Variants in ATOH8 observed in about 807,000 individuals in gnomAD.
ATOH8 encodes the protein atonal bHLH transcription factor 8, also known as transcription factor ATOH8.
Under a neutral mutation model 21.2 loss-of-function variants are expected in ATOH8, and 9 were observed. The ratio of observed to expected loss-of-function variants is 0.42; its 90% confidence interval spans 0.26 to 0.74. The LOEUF (loss-of-function observed/expected upper bound fraction) is 0.74. Among genes scored for constraint, ATOH8 ranks in the 30% least tolerant of loss-of-function variants. The pLI, the probability that ATOH8 is intolerant of heterozygous loss-of-function variation, is 0.24. For missense variants in ATOH8, 524 were observed against 470.9 expected (o/e 1.11, Z -1.04); for synonymous variants, 253 against 224.0 (o/e 1.13, Z -1.16).
chr2:85,759,110 C>T (rs1419284891), intron 1 of ATOH8, among the ~76,000 whole-genome samples: 2 of 152,204 alleles, frequency 1.3e-5, no homozygotes, highest in Non-Finnish European at 2.9e-5. Flanking sequence ...CCCCTGCTGC[C>T]CCTGGAGCTT....
Position 85,774,201 on chromosome 2 carries a change from C to G in ATOH8, c.960+10019C>G, listed in dbSNP as rs1031025625. 3.0e-6 allele frequency: 3 copies of G among 985,370 alleles called. No homozygotes were observed. The African/African-American group carries it at 5.2e-5, about 17-fold the overall frequency. The allele number at this position is 985,370 out of a possible 1,614,324, so 61.0% of individuals were successfully genotyped here. A position where few individuals can be genotyped will look rare whatever the true frequency, so the allele number is the denominator to read the frequency against. The stretch of plus-strand genomic sequence containing the variant: ...GGAGGACCCGAGGAAGGAAGAGGAA[C>G]CACTGTCCCCAGCCCCTGGTATGGC... On this transcript the variant is annotated intron_variant, in intron 2 of 2. Coordinates refer to ENST00000306279, the MANE Select transcript of ATOH8 (RefSeq NM_032827.7).
At chr2:85,768,056 G>T (rs1292406288) in intron 2 of ATOH8, among the ~76,000 whole-genome samples, 2 of 152,208 alleles carry the variant, frequency 1.3e-5, no homozygotes, top group African/African-American at 4.8e-5. Context: ...TGGGACAGGA[G>T]CGTGGGCCCA....
intron 1 of ATOH8, 84 bp downstream of exon 1, chr2:85,755,041 G>A (rs1438276455): frequency 5.5e-6 from 8 of 1,462,534 alleles, no homozygotes; most frequent in African/African-American, 1.4e-5. Flanking sequence ...CGGGATAGAG[G>A]TGTGTTTAAG....
At chr2:85,773,085 T>C in intron 2 of ATOH8, 1 of 354,178 alleles carries the variant, frequency 2.8e-6, no homozygotes, top group Non-Finnish European at 5.5e-6. Flanking sequence ...CATTCCGCCG[T>C]CACCCTGAAT....
At chr2:85,778,864 A>G (rs1680407019) in intron 2 of ATOH8, among the ~76,000 whole-genome samples, 1 of 152,152 alleles carries the variant, frequency 6.6e-6, no homozygotes, top group Non-Finnish European at 1.5e-5. Context: ...ATCATAAGTC[A>G]GGCCCACAGG....
At chr2:85,784,768 G>A (rs1486000341) in intron 2 of ATOH8, among the ~76,000 whole-genome samples, 2 of 152,176 alleles carry the variant, frequency 1.3e-5, no homozygotes, top group Non-Finnish European at 2.9e-5. Context: ...TACAAGTGAC[G>A]GAATGAAGGC....
intron 2 of ATOH8, among the ~76,000 whole-genome samples, chr2:85,767,173 C>A (rs531653824): frequency 5.3e-5 from 8 of 152,290 alleles, no homozygotes; most frequent in Admixed American, 5.2e-4. Context: ...TCCTGAGGCC[C>A]CACCTCCATT....
intron 1 of ATOH8, among the ~76,000 whole-genome samples, chr2:85,758,522 A>T (rs1679779584): frequency 6.6e-6 from 1 of 152,226 alleles, no homozygotes; most frequent in Non-Finnish European, 1.5e-5. Context: ...CAGACTCCTA[A>T]CAGCTCTGCT....
rs1232616012 is a variant in ATOH8, at chr2:85,766,753, C to T, written c.960+2571C>T. Among the ~76,000 whole-genome samples, 1 of 152,200 alleles carries T rather than the reference C, an allele frequency of 6.6e-6. No individual in the cohort carries two copies. The highest frequency in any genetic ancestry group is 2.4e-5 in the African/African-American group (1 of 41,462). The stretch of plus-strand genomic sequence containing the variant: ...GCCCTTCCAGGCAGGCCCCTGTGTC[C>T]CGCTTCTGGGCACCTATGCTTTTGC... On this transcript the variant is annotated intron_variant, in intron 2 of 2. Coordinates refer to ENST00000306279, the MANE Select transcript of ATOH8 (RefSeq NM_032827.7). This position sits in a 1 kb window ranked among gnomAD's most constrained non-coding sequence, Gnocchi z 4.0.
chr2:85,778,931 C>G (rs1680408851), intron 2 of ATOH8, among the ~76,000 whole-genome samples: 1 of 152,178 alleles, frequency 6.6e-6, no homozygotes, highest in South Asian at 2.1e-4. Flanking sequence ...GCCCATTGGT[C>G]TGCTCTCCAC....
intron 1 of ATOH8, among the ~76,000 whole-genome samples, chr2:85,758,803 G>A (rs1046290616): frequency 1.3e-5 from 2 of 152,262 alleles, no homozygotes; most frequent in African/African-American, 4.8e-5. Flanking sequence ...TGAAGGCCAT[G>A]TGTGCACAGC....
rs1348833533 is a variant in ATOH8 at position 85,754,064 on chromosome 2, C to T, written c.-126C>T. 1.4e-5 allele frequency: 16 copies of T among 1,125,710 alleles called. No homozygotes were observed. Among genetic ancestry groups the T allele is most frequent in the Admixed American group, 5.6e-5 (1 of 18,010 alleles). The allele number at this position is 1,125,710 out of a possible 1,614,324, so 69.7% of individuals were successfully genotyped here. On this transcript the variant is annotated 5_prime_UTR_variant, in exon 1 of 3. Transcript: ENST00000306279. ...AAGCCGGCGGCGCAGCTGCCCGGGG[C>T]GAGGGGGAGAAAGGGAGAGAGGGAG...
In ATOH8 at chr2:85,764,144, C is replaced by T; in HGVS notation, c.922C>T (p.Arg308Cys). ...CTCCGAGTGTGTGCAGCGCTGCACC[C>T]GCACCCTGCAGGCCGAGGGACGTGC... ...SFSECVQRCT[R>C]TLQAEGRAKK... Residue 308 changes from arginine to cysteine, a missense_variant, in exon 2 of 3, where the codon CGC (arginine) becomes TGC (cysteine). Arg to Cys is a radical substitution (Grantham distance 180, BLOSUM62 -3). Coordinates refer to ENST00000306279, the MANE Select transcript of ATOH8 (RefSeq NM_032827.7). 8.7e-6 allele frequency: 14 copies of T among 1,614,160 alleles called. No individual in the cohort carries two copies. Among genetic ancestry groups the T allele is most frequent in the Middle Eastern group, 1.6e-4 (1 of 6,062 alleles).
chr2:85,779,047 C>T (rs890274276), intron 2 of ATOH8, among the ~76,000 whole-genome samples: 14 of 151,662 alleles, frequency 9.2e-5, no homozygotes, highest in Non-Finnish European at 1.8e-4. Flanking sequence ...CCGGGTGCCT[C>T]CTCCAGCCTG....
intron 1 of ATOH8, among the ~76,000 whole-genome samples, chr2:85,762,218 C>T (rs1053712523): frequency 3.3e-5 from 5 of 152,148 alleles, no homozygotes; most frequent in South Asian, 2.1e-4. Flanking sequence ...ACAAGGAAAC[C>T]GAGGCTCAGA....
rs1039956365 is a variant in ATOH8, at chr2:85,788,503, AG to A, written c.*1614del. On this transcript the variant is annotated 3_prime_UTR_variant, in exon 3 of 3. Transcript: ENST00000306279. ...AGCCCCATCACCAGTCCCAGCCCAA[AG>A]TCTCTTGTGTGGCCTTGTCACATTG... is the stretch of plus-strand genomic sequence containing the variant. Among the ~76,000 whole-genome samples the A allele has an allele frequency of 6.6e-6, 1 of 152,136 alleles. No homozygotes were observed. Among genetic ancestry groups the A allele is most frequent in the African/African-American group, 2.4e-5 (1 of 41,420 alleles).
intron 1 of ATOH8, 26 bp from the exon 2 acceptor site, chr2:85,763,965 C>A (rs1238202669): frequency 1.9e-6 from 3 of 1,607,366 alleles, no homozygotes; most frequent in East Asian, 4.5e-5. Context: ...GCCCCTGCAG[C>A]CCCTCCTGAC....
chr2:85,789,316 G>T lies in ATOH8; in HGVS notation c.*2426G>T, dbSNP rs1327661165. 2.0e-5 allele frequency among the ~76,000 whole-genome samples: 3 copies of T among 152,224 alleles called. No homozygotes were observed. Among genetic ancestry groups the T allele is most frequent in the Non-Finnish European group, 2.9e-5 (2 of 68,050 alleles). On this transcript the variant is annotated 3_prime_UTR_variant, in exon 3 of 3. Coordinates refer to ENST00000306279, the MANE Select transcript of ATOH8 (RefSeq NM_032827.7). ...CAGTGGGAATGAAGAGATGGATCTT[G>T]TGTCATGCATGGCATCACGGAGCTC...
rs1010635786 is a variant in ATOH8, at chr2:85,785,600, G to A, written c.961-1285G>A. Among the ~76,000 whole-genome samples, 12 of 152,138 alleles carry A rather than the reference G, an allele frequency of 7.9e-5. No individual in the cohort carries two copies. The highest frequency in any genetic ancestry group is 2.2e-4 in the African/African-American group (9 of 41,432). ...CTGTGGTTAGCAGGCCCTCCACGTCGTGGTTTGGCTCCATCCTGGCTCCCC... is the reference window on the plus strand; with the variant it reads ...CTGTGGTTAGCAGGCCCTCCACGTCATGGTTTGGCTCCATCCTGGCTCCCC... On this transcript the variant is annotated intron_variant, in intron 2 of 2. Transcript: ENST00000306279. This position sits in a 1 kb window ranked among gnomAD's most constrained non-coding sequence, Gnocchi z 4.1.
Sources: allele counts gnomAD v4.1 joint callset (sites outside exome capture counted in the v4.1 genomes callset), GRCh38; gene constraint gnomAD v4.1.1; non-coding constraint Gnocchi (gnomAD v3.1); transcripts MANE v1.5; gene names NCBI Gene and HGNC (gene_info 2026-07-23, HGNC 2026-07-21).